Variants in CSMD1 observed in about 807,000 individuals in gnomAD.
CSMD1 encodes the protein CUB and Sushi multiple domains 1.
CSMD1 carries 213 observed loss-of-function variants against 417.5 expected under a neutral mutation model. The observed-to-expected ratio is 0.51, with a 90% CI of 0.46 to 0.57. The LOEUF (loss-of-function observed/expected upper bound fraction) is 0.57, where lower values mean the gene tolerates loss of function less well. Ranked by LOEUF, CSMD1 falls within the 20% of genes least tolerant of loss-of-function variation. The pLI is 0.00. For missense variants in CSMD1, 6,923 were observed against 4,529.7 expected (o/e 1.53, Z -15.17); for synonymous variants, 2,862 against 1,736.8 (o/e 1.65, Z -16.11).
intron 1 of CSMD1, among the ~76,000 whole-genome samples, chr8:4,794,299 AT>A (rs1797857034): frequency 6.6e-6 from 1 of 152,142 alleles, no homozygotes; most frequent in African/African-American, 2.4e-5. Context: ...TATTCTTGCA[AT>A]TTTTGTTAAA....
At chr8:4,429,008 G>A (rs532320173) in intron 2 of CSMD1, among the ~76,000 whole-genome samples, 5 of 152,054 alleles carry the variant, frequency 3.3e-5, no homozygotes, top group Admixed American at 6.5e-5. Context: ...GGCACTGCAC[G>A]TCGGCCTTAT....
chr8:3,508,594 T>G (rs1796933820), intron 10 of CSMD1, among the ~76,000 whole-genome samples: 1 of 152,142 alleles, frequency 6.6e-6, no homozygotes, highest in Non-Finnish European at 1.5e-5. Context: ...GAGACACTTA[T>G]TTTAGCGATG....
In CSMD1 at chr8:4,910,417, T is replaced by C. The variant is rs62488169; in HGVS notation, c.85+83915A>G. On this transcript the variant is annotated intron_variant, in intron 1 of 69. Coordinates refer to ENST00000635120, the MANE Select transcript of CSMD1 (RefSeq NM_033225.6). ...AACAATAGAAATTTATTTTTCACAT[T>C]CTGGAGGCTGAGAAGTCCAGGATCA... Among the ~76,000 whole-genome samples the C allele has an allele frequency of 3.2e-3, 490 of 152,352 alleles. 2 individuals carry two copies. The highest frequency in any genetic ancestry group is 5.6e-3 in the Non-Finnish European group (379 of 68,034).
At chr8:3,321,391 G>A (rs548531215) in intron 23 of CSMD1, among the ~76,000 whole-genome samples, 9 of 152,188 alleles carry the variant, frequency 5.9e-5, no homozygotes, top group Middle Eastern at 3.4e-3. Flanking sequence ...CTCCCTTACG[G>A]CTGCAGCTGT....
chr8:3,936,934 G>T (rs1409311198), intron 5 of CSMD1, among the ~76,000 whole-genome samples: 4 of 152,184 alleles, frequency 2.6e-5, no homozygotes, highest in Non-Finnish European at 5.9e-5. Flanking sequence ...TGATTCATGG[G>T]AAGAGGTCAA....
chr8:4,650,683 T>A (rs1323889751), intron 1 of CSMD1, among the ~76,000 whole-genome samples: 1 of 152,060 alleles, frequency 6.6e-6, no homozygotes, highest in African/African-American at 2.4e-5. Flanking sequence ...CAGCTTGTAG[T>A]TGATTCTGTG....
chr8:3,249,310 C>T (rs1014955513), intron 26 of CSMD1, among the ~76,000 whole-genome samples: 1 of 152,146 alleles, frequency 6.6e-6, no homozygotes, highest in African/African-American at 2.4e-5. Flanking sequence ...CAACCTCTGC[C>T]TCCTGGGTTC....
intron 2 of CSMD1, among the ~76,000 whole-genome samples, chr8:4,592,668 T>A (rs1196519057): frequency 2.6e-5 from 4 of 152,178 alleles, no homozygotes; most frequent in Non-Finnish European, 5.9e-5. Context: ...ATTACCAGCG[T>A]GAGCCACTGT....
chr8:3,533,085 C>T (rs4503118), intron 10 of CSMD1, among the ~76,000 whole-genome samples: 66,306 of 151,964 alleles, frequency 0.44, 15,007 homozygotes, highest in Non-Finnish European at 0.5. Flanking sequence ...ATCCAATGTA[C>T]CTTTCCATCA....
intron 21 of CSMD1, among the ~76,000 whole-genome samples, chr8:3,354,189 A>G (rs982059738): frequency 2.0e-5 from 3 of 152,236 alleles, no homozygotes; most frequent in Non-Finnish European, 4.4e-5. Context: ...CCTATTCAAT[A>G]CAGTTAAATT....
intron 1 of CSMD1, among the ~76,000 whole-genome samples, chr8:4,918,979 T>C (rs1806249329): frequency 6.6e-6 from 1 of 152,148 alleles, no homozygotes; most frequent in African/African-American, 2.4e-5. Context: ...TACGATTGAG[T>C]TGTTTGGGCA....
intron 23 of CSMD1, among the ~76,000 whole-genome samples, chr8:3,341,113 G>A (rs766166762): frequency 1.4e-4 from 21 of 152,174 alleles, no homozygotes; most frequent in Admixed American, 6.5e-5. Flanking sequence ...GCTGGATGCC[G>A]GGGAGCAATA....
At chr8:3,940,611 C>T (rs1810815022) in intron 5 of CSMD1, among the ~76,000 whole-genome samples, 1 of 151,256 alleles carries the variant, frequency 6.6e-6, no homozygotes, top group Admixed American at 6.6e-5. Context: ...ATATACACCA[C>T]AACACTGCCA....
intron 5 of CSMD1, among the ~76,000 whole-genome samples, chr8:3,964,901 C>T (rs1812567518): frequency 6.6e-6 from 1 of 152,082 alleles, no homozygotes; most frequent in Non-Finnish European, 1.5e-5. Flanking sequence ...TTAAAAAGTT[C>T]AATACAATTA....
chr8:3,242,694 C>T (rs1469294736), intron 26 of CSMD1, among the ~76,000 whole-genome samples: 14 of 151,190 alleles, frequency 9.3e-5, no homozygotes, highest in East Asian at 5.9e-4. Context: ...GAATGGAGGG[C>T]GGAAGGTTGC....
intron 2 of CSMD1, among the ~76,000 whole-genome samples, chr8:4,434,636 C>T (rs1798049826): frequency 6.6e-6 from 1 of 152,172 alleles, no homozygotes; most frequent in Admixed American, 6.6e-5. Context: ...GACAGAGTAA[C>T]AACTGGGAAG....
At chr8:4,110,298 T>A (rs575595950) in intron 3 of CSMD1, among the ~76,000 whole-genome samples, 1 of 152,244 alleles carries the variant, frequency 6.6e-6, no homozygotes, top group East Asian at 1.9e-4. Flanking sequence ...TTTAATTTAT[T>A]TATCCACCAT....
rs145307651 is a variant in CSMD1, at chr8:3,191,169, C to T, written c.5195-1054G>A. 3.9e-3 allele frequency among the ~76,000 whole-genome samples: 594 copies of T among 152,236 alleles called. 4 individuals are homozygous for T. The highest frequency in any genetic ancestry group is 0.014 in the African/African-American group (570 of 41,562). On this transcript the variant is annotated intron_variant, in intron 33 of 69. Transcript: ENST00000635120. ...TAGGATGAGCTCAAATCCTAACAAG[C>T]CCCAGCCGGGTGCAGTGGCGCAAGC...
At chr8:4,529,941 G>C (rs945686066) in intron 2 of CSMD1, among the ~76,000 whole-genome samples, 2 of 151,054 alleles carry the variant, frequency 1.3e-5, no homozygotes, top group Non-Finnish European at 2.9e-5. Flanking sequence ...TTGAGACCGA[G>C]TCTCGATTTG....
Sources: allele counts gnomAD v4.1 joint callset (sites outside exome capture counted in the v4.1 genomes callset), GRCh38; gene constraint gnomAD v4.1.1; transcripts MANE v1.5; gene names NCBI Gene and HGNC (gene_info 2026-07-23, HGNC 2026-07-21).